PPARG: variants seen among roughly 807,000 people sequenced by gnomAD.
The protein encoded by PPARG is peroxisome proliferator activated receptor gamma, also known as peroxisome proliferator-activated receptor gamma.
A neutral mutation model predicts 39.2 loss-of-function variants in PPARG; 17 were observed. The observed-to-expected ratio is 0.43, with a 90% CI of 0.30 to 0.65. PPARG has a LOEUF of 0.65. Ranked by LOEUF, PPARG falls within the 30% of genes least tolerant of loss-of-function variation. The pLI, the probability that PPARG is intolerant of heterozygous loss-of-function variation, is 0.13. For missense variants in PPARG, 406 were observed against 585.9 expected (o/e 0.69, Z 3.17); for synonymous variants, 223 against 215.7 (o/e 1.03, Z -0.30).
chr3:12,350,720 G>A (rs2048459240), intron 2 of PPARG, among the ~76,000 whole-genome samples: 1 of 152,294 alleles, frequency 6.6e-6, no homozygotes, highest in Admixed American at 6.5e-5. Context: ...TTCTGGTGGT[G>A]TGTTATTCTT....
chr3:12,409,910 T>C (rs1202416425), intron 6 of PPARG, among the ~76,000 whole-genome samples: 1 of 152,236 alleles, frequency 6.6e-6, no homozygotes, highest in Non-Finnish European at 1.5e-5. Context: ...CCTTCTCCTG[T>C]ATCTTATTCC....
At chr3:12,344,190 C>CA (rs1054419078) in intron 2 of PPARG, among the ~76,000 whole-genome samples, 1 of 152,164 alleles carries the variant, frequency 6.6e-6, no homozygotes, top group Admixed American at 6.5e-5. Context: ...AAAGTCTAGA[C>CA]AAATTTTTAT....
At chr3:12,410,521 G>A (rs1358527440) in intron 6 of PPARG, among the ~76,000 whole-genome samples, 2 of 152,164 alleles carry the variant, frequency 1.3e-5, no homozygotes, top group East Asian at 1.9e-4. Flanking sequence ...GCGAAGCTCC[G>A]GCTGCACTCT....
intron 7 of PPARG, among the ~76,000 whole-genome samples, chr3:12,427,353 C>A (rs1196700919): frequency 1.3e-5 from 2 of 152,166 alleles, no homozygotes; most frequent in Non-Finnish European, 2.9e-5. Context: ...GAGAACTTGC[C>A]TGAAACCCCA....
At chr3:12,392,515 G>A (rs1033791045) in intron 4 of PPARG, 99 bp from the exon 5 acceptor site, 1 of 1,390,218 alleles carries the variant, frequency 7.2e-7, no homozygotes, top group East Asian at 2.3e-5. Flanking sequence ...TCAAGAACCT[G>A]CCTTTTCTGA....
intron 5 of PPARG, among the ~76,000 whole-genome samples, chr3:12,400,448 C>T (rs559563577): frequency 1.4e-4 from 21 of 152,278 alleles, no homozygotes; most frequent in African/African-American, 5.1e-4. Context: ...ACATTCAGCT[C>T]AATAGAAGTG....
chr3:12,416,631 C>T, intron 6 of PPARG, 73 bp from the exon 7 acceptor site: 1 of 1,432,892 alleles, frequency 7.0e-7, no homozygotes, highest in Non-Finnish European at 9.7e-7. Flanking sequence ...AAACAGTTTT[C>T]TGAACCTGGG....
chr3:12,323,646 G>A (rs1388692765), intron 2 of PPARG, among the ~76,000 whole-genome samples: 1 of 152,076 alleles, frequency 6.6e-6, no homozygotes. Flanking sequence ...TGAATGTCGT[G>A]CTGCTGGTGC....
At chr3:12,372,649 C>T (rs2049261350) in intron 2 of PPARG, among the ~76,000 whole-genome samples, 1 of 152,094 alleles carries the variant, frequency 6.6e-6, no homozygotes, top group African/African-American at 2.4e-5. Context: ...ACATAAAACC[C>T]CAAAGGTAAA....
At chr3:12,342,360 A>G (rs767315480) in intron 2 of PPARG, among the ~76,000 whole-genome samples, 1 of 152,220 alleles carries the variant, frequency 6.6e-6, no homozygotes, top group Non-Finnish European at 1.5e-5. Flanking sequence ...GATTTAAAAC[A>G]GCTTAGGAAC....
intron 2 of PPARG, among the ~76,000 whole-genome samples, chr3:12,364,345 A>G (rs771815699): frequency 1.3e-4 from 20 of 152,114 alleles, no homozygotes; most frequent in Non-Finnish European, 1.8e-4. Context: ...TCACTTACCA[A>G]TATGCACTTA....
At chr3:12,382,412 TTTA>T (rs1219526232) in intron 4 of PPARG, among the ~76,000 whole-genome samples, 1 of 152,206 alleles carries the variant, frequency 6.6e-6, no homozygotes, top group Non-Finnish European at 1.5e-5. Flanking sequence ...ATAGTACTAA[TTTA>T]TTATATACGC....
chr3:12,377,735 T>G (rs1031298762), intron 2 of PPARG, among the ~76,000 whole-genome samples: 7 of 152,126 alleles, frequency 4.6e-5, no homozygotes, highest in African/African-American at 1.4e-4. Context: ...GTGCACACTT[T>G]AAAAACAATC....
At chr3:12,292,290 C>T (rs1446132933) in intron 1 of PPARG, among the ~76,000 whole-genome samples, 1 of 152,180 alleles carries the variant, frequency 6.6e-6, no homozygotes, top group African/African-American at 2.4e-5. Context: ...TCCGATGCAT[C>T]TAGAAGGCAC....
At position 12,324,990 on chromosome 3, in the gene PPARG, A is replaced by G. The variant is rs567520522; in HGVS notation, c.-9+12537A>G. 8.0e-5 allele frequency among the ~76,000 whole-genome samples: 12 copies of G among 149,160 alleles called. No individual in the cohort carries two copies. The South Asian group carries it at 1.1e-3, about 13-fold the overall frequency. On this transcript the variant is annotated intron_variant, in intron 2 of 7. Transcript: ENST00000651735. ...TGAATTGCAAAATTAAATGCCACCA[A>G]TAAAGAGGCTTTGTGAGCGAGCGTG...
intron 2 of PPARG, among the ~76,000 whole-genome samples, chr3:12,337,103 T>C (rs2048034619): frequency 6.6e-6 from 1 of 152,202 alleles, no homozygotes; most frequent in African/African-American, 2.4e-5. Context: ...GTCTAAATTA[T>C]GTGGTATTGA....
At chr3:12,403,515 A>ATTTATT (rs1387110955) in intron 5 of PPARG, among the ~76,000 whole-genome samples, 7 of 151,618 alleles carry the variant, frequency 4.6e-5, no homozygotes, top group South Asian at 2.1e-4. Context: ...ACGCCCAGCT[A>ATTTATT]TTTATTTTTA....
At chr3:12,344,928 A>G (rs2048284800) in intron 2 of PPARG, 1 of 152,240 alleles carries the variant, frequency 6.6e-6, no homozygotes, top group Non-Finnish European at 1.5e-5. Context: ...TTGAATAAAG[A>G]CAAATTACTC....
At chr3:12,384,475 AT>A (rs1348569968) in intron 4 of PPARG, among the ~76,000 whole-genome samples, 1 of 152,116 alleles carries the variant, frequency 6.6e-6, no homozygotes, top group Admixed American at 6.6e-5. Flanking sequence ...TTTTTATTGA[AT>A]TCTTAGTATG....
Sources: gnomAD v4.1 joint callset for allele counts (sites outside exome capture counted in the v4.1 genomes callset) on GRCh38, gnomAD v4.1.1 for gene constraint, MANE v1.5 for transcripts, NCBI Gene and HGNC (gene_info 2026-07-23, HGNC 2026-07-21) for gene names.